The following NAF1 variants were observed in gnomAD, a reference collection of about 807,000 sequenced individuals.
NAF1 encodes H/ACA ribonucleoprotein complex non-core subunit NAF1.
In NAF1, 11 loss-of-function variants were observed where a neutral mutation model predicts 40.6. The observed-to-expected ratio is 0.27, with a 90% CI of 0.17 to 0.45. The LOEUF is 0.45. Ranked by LOEUF, NAF1 falls within the 20% of genes least tolerant of loss-of-function variation. NAF1 has a pLI of 1.00. For missense variants in NAF1, 607 were observed against 611.1 expected (o/e 0.99, Z 0.07); for synonymous variants, 260 against 228.5 (o/e 1.14, Z -1.24).
intron 3 of NAF1, among the ~76,000 whole-genome samples, chr4:163,146,628 A>G (rs553273977): frequency 6.6e-6 from 1 of 152,346 alleles, no homozygotes; most frequent in East Asian, 1.9e-4. Flanking sequence ...TAATTCAAAC[A>G]ATTTCTTTTG....
At chr4:163,148,990 T>C (rs1030579722) in intron 2 of NAF1, among the ~76,000 whole-genome samples, 7 of 152,144 alleles carry the variant, frequency 4.6e-5, no homozygotes, top group Non-Finnish European at 7.4e-5. Flanking sequence ...GAAAAAAGAA[T>C]ATAGGCTTTA....
At chr4:163,124,673 T>G (rs1417941219), downstream of NAF1, among the ~76,000 whole-genome samples, 1 of 152,134 alleles carries the variant, frequency 6.6e-6, no homozygotes, top group Non-Finnish European at 1.5e-5. Flanking sequence ...GAGGGCCAAT[T>G]TGTATAGAGA....
intron 2 of NAF1, among the ~76,000 whole-genome samples, chr4:163,163,537 G>A (rs1386557655): frequency 3.3e-5 from 5 of 152,076 alleles, no homozygotes; most frequent in African/African-American, 9.7e-5. Context: ...CTGAAATTCT[G>A]AGAAGGCTTT....
At chr4:163,162,902 C>G (rs1349061793) in intron 2 of NAF1, among the ~76,000 whole-genome samples, 1 of 152,142 alleles carries the variant, frequency 6.6e-6, no homozygotes, top group East Asian at 1.9e-4. Context: ...CCTTTTTGAT[C>G]TTCTGATGAA....
At chr4:163,143,014 G>A (rs1020337028) in intron 4 of NAF1, among the ~76,000 whole-genome samples, 1 of 152,184 alleles carries the variant, frequency 6.6e-6, no homozygotes, top group Non-Finnish European at 1.5e-5. Flanking sequence ...GAGAGTATAA[G>A]AAACTGAATT....
intron 3 of NAF1, among the ~76,000 whole-genome samples, chr4:163,146,784 T>TA (rs1177153206): frequency 2.0e-5 from 3 of 152,218 alleles, no homozygotes; most frequent in Non-Finnish European, 2.9e-5. Context: ...TTGTCTCTAT[T>TA]AAAAATCTCT....
rs753889327 is a variant in NAF1, at chr4:163,133,202, A to AT, written c.984dup (p.Ser329IlefsTer12). ...AGTTTTTTCCGGCCTTGAATCTGAG[A>AT]TTTTTTCCTCTGTTTGGCTTCCTTC... On this transcript the variant is annotated frameshift_variant, in exon 7 of 8. Coordinates refer to ENST00000274054, the MANE Select transcript of NAF1 (RefSeq NM_138386.3). LOFTEE classifies it low-confidence loss of function (END_TRUNC). The AT allele has an allele frequency of 2.5e-6, 4 of 1,613,702 alleles. No homozygotes were observed. The highest frequency in any genetic ancestry group is 3.4e-6 in the Non-Finnish European group (4 of 1,179,876).
At chr4:163,117,680 T>TACAC (rs55869899) in intron 2 of NAF1, among the ~76,000 whole-genome samples, 12,399 of 134,772 alleles carry the variant, frequency 0.092, 682 homozygotes, top group East Asian at 0.22. Flanking sequence ...CTGGAAGCAA[T>TACAC]ACACACACAC....
chr4:163,163,861 T>C (rs527645080), intron 2 of NAF1, among the ~76,000 whole-genome samples: 15 of 152,108 alleles, frequency 9.9e-5, no homozygotes, highest in East Asian at 3.9e-4. Context: ...TCAATTGCTA[T>C]TGAAATTTCA....
chr4:163,145,505 G>A (rs894892822), intron 4 of NAF1, among the ~76,000 whole-genome samples: 4 of 152,282 alleles, frequency 2.6e-5, no homozygotes, highest in East Asian at 3.9e-4. Context: ...TATGCATTAC[G>A]TAGACTCACT....
chr4:163,125,900 A>G (rs1394041758), downstream of NAF1, among the ~76,000 whole-genome samples: 2 of 152,230 alleles, frequency 1.3e-5, no homozygotes, highest in Admixed American at 6.5e-5. Context: ...CAAAAATCCT[A>G]GGGTCCTTAA....
At chr4:163,160,577 G>A (rs922953284) in intron 2 of NAF1, among the ~76,000 whole-genome samples, 18 of 152,180 alleles carry the variant, frequency 1.2e-4, no homozygotes, top group African/African-American at 3.9e-4. Context: ...GATCCAGAGA[G>A]GCGACATTCC....
intron 5 of NAF1, among the ~76,000 whole-genome samples, chr4:163,138,562 G>C (rs932837738): frequency 1.1e-4 from 17 of 152,110 alleles, no homozygotes; most frequent in African/African-American, 3.6e-4. Context: ...AAGCTGGAAA[G>C]GAGCTGAACT....
chr4:163,157,322 C>T (rs1215684487), intron 2 of NAF1: 2 of 152,054 alleles, frequency 1.3e-5, no homozygotes, highest in East Asian at 1.9e-4. Flanking sequence ...CAGATTCCAA[C>T]GTTGCTATGC....
At chr4:163,153,573 C>T (rs1731831389) in intron 2 of NAF1, among the ~76,000 whole-genome samples, 1 of 152,106 alleles carries the variant, frequency 6.6e-6, no homozygotes, top group Non-Finnish European at 1.5e-5. Context: ...GTGAATGCAC[C>T]AATCGACACT....
At chr4:163,149,306 T>C (rs1417921398) in intron 2 of NAF1, among the ~76,000 whole-genome samples, 1 of 152,102 alleles carries the variant, frequency 6.6e-6, no homozygotes, top group East Asian at 1.9e-4. Flanking sequence ...ATTTTAGCAG[T>C]TAAACTGGGA....
downstream of NAF1, among the ~76,000 whole-genome samples, chr4:163,108,524 T>G (rs150748313): frequency 4.2e-3 from 647 of 152,300 alleles, no homozygotes; most frequent in Admixed American, 9.1e-3. Flanking sequence ...CAGTCACAGA[T>G]TAAAGAAATA....
In NAF1 at chr4:163,166,428, T is replaced by C; in HGVS notation, c.300A>G (p.Gly100=). 1 of 1,608,192 alleles carries C rather than the reference T, an allele frequency of 6.2e-7. No homozygotes were observed. Among genetic ancestry groups the C allele is most frequent in the African/African-American group, 1.3e-5 (1 of 74,882 alleles). The change falls in exon 1 of 8, where the codon GGA becomes GGG. Residue 100 remains glycine, a synonymous_variant. Coordinates refer to ENST00000274054, the MANE Select transcript of NAF1 (RefSeq NM_138386.3). Reference sequence around the variant, plus strand: ...CCGGCGCCCGCGCAGGCTCTGCGGCTCCTGGGGAGGTGACGCAGTCTCCGC... The same window carrying C: ...CCGGCGCCCGCGCAGGCTCTGCGGCCCCTGGGGAGGTGACGCAGTCTCCGC... ...PACGDCVTSP[G]AAEPARAPDS...
intron 6 of NAF1, 113 bp from the exon 7 acceptor site, chr4:163,133,369 G>T: frequency 1.4e-6 from 1 of 721,604 alleles, no homozygotes; most frequent in South Asian, 2.2e-5. Flanking sequence ...TCTAAAAAAA[G>T]TTGTCTTTTT....
Sources: allele counts gnomAD v4.1 joint callset (sites outside exome capture counted in the v4.1 genomes callset), GRCh38; gene constraint gnomAD v4.1.1; transcripts MANE v1.5; gene names NCBI Gene and HGNC (gene_info 2026-07-23, HGNC 2026-07-21).